The following TRIM37 variants were observed in gnomAD, a reference collection of about 807,000 sequenced individuals.
The protein encoded by TRIM37 is tripartite motif containing 37.
In TRIM37, 80 loss-of-function variants were observed where a neutral mutation model predicts 129.8. The observed-to-expected ratio is 0.62, with a 90% CI of 0.51 to 0.74. The LOEUF (loss-of-function observed/expected upper bound fraction) is 0.74. Among genes scored for constraint, TRIM37 ranks in the 30% least tolerant of loss-of-function variants. The pLI, the probability that TRIM37 is intolerant of heterozygous loss-of-function variation, is 0.00. For synonymous variants in TRIM37, 389 were observed against 387.1 expected (o/e 1.00, Z -0.06); for missense variants, 1,054 against 1,176.5 (o/e 0.90, Z 1.52).
intron 20 of TRIM37, among the ~76,000 whole-genome samples, chr17:59,016,262 C>T (rs953718093): frequency 6.0e-5 from 9 of 151,072 alleles, no homozygotes; most frequent in African/African-American, 1.9e-4. Flanking sequence ...GGCGTGGTGG[C>T]GTGCACTTGT....
At chr17:59,091,450 AATAT>A (rs1321084546) in intron 2 of TRIM37, 110 bp from the exon 3 acceptor site, 2 of 190,624 alleles carry the variant, frequency 1.0e-5, no homozygotes, top group South Asian at 1.4e-4. Context: ...TAATATATAT[AATAT>A]ATAAATATAT....
intron 19 of TRIM37, among the ~76,000 whole-genome samples, chr17:59,022,701 T>A (rs1227699536): frequency 6.6e-6 from 1 of 152,222 alleles, no homozygotes; most frequent in Non-Finnish European, 1.5e-5. Context: ...TTAGTAAATG[T>A]TAGCCATTAT....
downstream of TRIM37, chr17:58,980,272 G>C: frequency 6.2e-7 from 1 of 1,614,198 alleles, no homozygotes; most frequent in Non-Finnish European, 8.5e-7. The surrounding 1 kb of genome is among the most constrained non-coding windows in gnomAD (Gnocchi z 4.7). Flanking sequence ...AATCAGATTG[G>C]ACAGAGAACT....
downstream of TRIM37, among the ~76,000 whole-genome samples, chr17:58,997,690 A>T (rs1338541376): frequency 6.6e-6 from 1 of 152,180 alleles, no homozygotes; most frequent in East Asian, 1.9e-4. Context: ...GTAACAGCAG[A>T]CTGTTCTTCA....
At chr17:59,011,366 T>C (rs1037632139) in intron 22 of TRIM37, among the ~76,000 whole-genome samples, 7 of 152,198 alleles carry the variant, frequency 4.6e-5, no homozygotes, top group African/African-American at 1.7e-4. Flanking sequence ...AAATATTTAG[T>C]GTTCTTTAAC....
rs1268458748 is a variant in TRIM37 at position 59,106,866 on chromosome 17, G to A, written c.-405C>T. 3 of 325,102 alleles carry A rather than the reference G, an allele frequency of 9.2e-6. No individual in the cohort carries two copies. Among genetic ancestry groups the A allele is most frequent in the South Asian group, 3.5e-5 (1 of 28,668 alleles). 20.1% of individuals were successfully genotyped at this position (325,102 alleles called of 1,614,324 possible). Reference sequence around the variant, plus strand: ...TAACCAGAGCAGCTGGGGGCGCGGCGGCGAGAGAAGCTGCGAAGCGCATGC... The same window carrying A: ...TAACCAGAGCAGCTGGGGGCGCGGCAGCGAGAGAAGCTGCGAAGCGCATGC... On this transcript the variant is annotated 5_prime_UTR_variant, in exon 1 of 24. Coordinates refer to ENST00000262294, the MANE Select transcript of TRIM37 (RefSeq NM_015294.6).
intron 4 of TRIM37, among the ~76,000 whole-genome samples, chr17:59,085,346 G>A (rs1157549256): frequency 6.6e-6 from 1 of 151,886 alleles, no homozygotes; most frequent in Non-Finnish European, 1.5e-5. Flanking sequence ...AGAAAAGAAT[G>A]AAGGTTTAAC....
chr17:58,975,899 G>A, the TRIM37 span, among the ~76,000 whole-genome samples: 1 of 151,972 alleles, frequency 6.6e-6, no homozygotes, highest in Admixed American at 6.6e-5. Flanking sequence ...TATGGAGGAG[G>A]GTATCAACTG....
At chr17:59,014,200 C>T (rs2035629634) in intron 21 of TRIM37, among the ~76,000 whole-genome samples, 1 of 152,152 alleles carries the variant, frequency 6.6e-6, no homozygotes, top group Non-Finnish European at 1.5e-5. Flanking sequence ...AGCTAAACCA[C>T]CAGCTGATCT....
chr17:59,039,607 C>A (rs1859206660), intron 17 of TRIM37, among the ~76,000 whole-genome samples: 1 of 151,874 alleles, frequency 6.6e-6, no homozygotes, highest in Admixed American at 6.6e-5. Context: ...GGCCTCCCAA[C>A]GTGCTGGGAT....
chr17:58,967,432 T>C, the TRIM37 span, among the ~76,000 whole-genome samples: 1 of 151,704 alleles, frequency 6.6e-6, no homozygotes, highest in African/African-American at 2.4e-5. Context: ...GAAATGCCAA[T>C]AATAAAAATG....
chr17:59,066,597 G>C (rs1272753580), intron 9 of TRIM37, among the ~76,000 whole-genome samples: 1 of 152,196 alleles, frequency 6.6e-6, no homozygotes, highest in Non-Finnish European at 1.5e-5. Flanking sequence ...TGAACCAAGA[G>C]AGTACAGTCC....
chr17:59,053,615 C>T (rs1294978269), intron 13 of TRIM37, among the ~76,000 whole-genome samples: 3 of 151,924 alleles, frequency 2.0e-5, no homozygotes, highest in South Asian at 2.1e-4. Context: ...ATAAGTAACG[C>T]TAATAAGGAT....
At chr17:59,016,736 T>C (rs1371625243) in intron 20 of TRIM37, among the ~76,000 whole-genome samples, 2 of 151,454 alleles carry the variant, frequency 1.3e-5, no homozygotes, top group Admixed American at 1.3e-4. Flanking sequence ...TGAGCTATGA[T>C]TGCACCACTG....
At chr17:59,004,766 A>G (rs2034253104) in intron 22 of TRIM37, among the ~76,000 whole-genome samples, 1 of 152,226 alleles carries the variant, frequency 6.6e-6, no homozygotes, top group Non-Finnish European at 1.5e-5. Context: ...ACTCTTAAAG[A>G]AATAAAATCT....
At chr17:58,969,243 A>G in the TRIM37 span, among the ~76,000 whole-genome samples, 1 of 152,128 alleles carries the variant, frequency 6.6e-6, no homozygotes, top group African/African-American at 2.4e-5. Flanking sequence ...AAGCAAATGT[A>G]CGTGGGTGGT....
intron 19 of TRIM37, among the ~76,000 whole-genome samples, chr17:59,026,083 C>G (rs2037219104): frequency 1.3e-5 from 2 of 152,102 alleles, no homozygotes; most frequent in African/African-American, 4.8e-5. Flanking sequence ...TAATAAACAA[C>G]ACACACAAAG....
At chr17:59,081,964 A>AAAAAAAAAAAAAAAAAAAAAAAATAAT (rs1568200247) in intron 5 of TRIM37, among the ~76,000 whole-genome samples, 1 of 87,226 alleles carries the variant, frequency 1.1e-5, no homozygotes, top group East Asian at 3.1e-4. Context: ...AAAAAAAAAA[A>AAAAAAAAAAAAAAAAAAAAAAAATAAT]AATAATAATA....
At chr17:59,064,905 C>T (rs2041806156) in intron 9 of TRIM37, among the ~76,000 whole-genome samples, 1 of 151,606 alleles carries the variant, frequency 6.6e-6, no homozygotes, top group African/African-American at 2.4e-5. Flanking sequence ...GCAAAAATTA[C>T]CCAAATGTGG....
Sources: allele counts gnomAD v4.1 joint callset (sites outside exome capture counted in the v4.1 genomes callset), GRCh38; gene constraint gnomAD v4.1.1; non-coding constraint Gnocchi (gnomAD v3.1); transcripts MANE v1.5; gene names NCBI Gene and HGNC (gene_info 2026-07-23, HGNC 2026-07-21).